LRRC4C: variants seen among roughly 807,000 people sequenced by gnomAD.
LRRC4C encodes the protein leucine rich repeat containing 4C.
Under a neutral mutation model 33.6 loss-of-function variants are expected in LRRC4C, and 5 were observed. That is an observed-to-expected ratio of 0.15 (90% CI 0.08 to 0.31). The LOEUF is 0.31. Ranked by LOEUF, LRRC4C falls within the 10% of genes least tolerant of loss-of-function variation. The pLI is 1.00. For synonymous variants in LRRC4C, 329 were observed against 302.0 expected, an observed-to-expected ratio of 1.09 and a Z score of -0.93; for missense variants, 560 against 796.7, an observed-to-expected ratio of 0.70 and a Z score of 3.58.
intron 1 of LRRC4C, among the ~76,000 whole-genome samples, chr11:41,420,102 C>T (rs1465177646): frequency 6.6e-6 from 1 of 151,818 alleles, no homozygotes; most frequent in East Asian, 1.9e-4. Flanking sequence ...GAAGAGCAGC[C>T]TTTGATAGTT....
intron 1 of LRRC4C, among the ~76,000 whole-genome samples, chr11:40,960,002 G>A (rs895729351): frequency 6.6e-6 from 1 of 151,374 alleles, no homozygotes; most frequent in African/African-American, 2.4e-5. Context: ...AATGGCTGGA[G>A]CAGAACAGTC....
intron 4 of LRRC4C, among the ~76,000 whole-genome samples, chr11:40,283,666 C>T (rs1590905851): frequency 7.3e-6 from 1 of 137,432 alleles, no homozygotes; most frequent in East Asian, 2.2e-4. Context: ...TGGGAGATGA[C>T]AAGAAGAATA....
intron 3 of LRRC4C, among the ~76,000 whole-genome samples, chr11:40,581,355 A>G (rs1171431005): frequency 4.6e-5 from 7 of 152,218 alleles, no homozygotes; most frequent in Non-Finnish European, 2.9e-5. Flanking sequence ...TCTTTCTAAC[A>G]ATATTGGTGA....
rs750318295 is a variant in LRRC4C, at chr11:40,380,680, T to TA, written c.-269-60960dup. ...CCGCTACCCTTCCTCTTTTACTGTG[T>TA]AAGGTTATCTGCTGAGATTATCACC... On this transcript the variant is annotated intron_variant, in intron 3 of 6. Transcript: ENST00000528697. 7.9e-5 allele frequency among the ~76,000 whole-genome samples: 12 copies of TA among 152,230 alleles called. 1 individual carries two copies. The highest frequency in any genetic ancestry group is 1.6e-4 in the Non-Finnish European group (11 of 68,044).
At position 40,491,557 on chromosome 11, in the gene LRRC4C, G is replaced by T. The variant is rs56235230; in HGVS notation, c.-270+156585C>A. 2.6e-5 allele frequency among the ~76,000 whole-genome samples: 4 copies of T among 152,150 alleles called. No individual in the cohort carries two copies. The South Asian group carries it at 6.2e-4, about 24-fold the overall frequency. ...AAGTTTCTTGTGGTTGTAGGAATGCGTACCTCAGCTCTTAGAAGCTGCTGA... is the reference window on the plus strand; with the variant it reads ...AAGTTTCTTGTGGTTGTAGGAATGCTTACCTCAGCTCTTAGAAGCTGCTGA... On this transcript the variant is annotated intron_variant, in intron 3 of 6. Coordinates refer to ENST00000528697, the MANE Select transcript of LRRC4C (RefSeq NM_001258419.2).
chr11:40,138,505 G>C (rs1857141651), intron 6 of LRRC4C, among the ~76,000 whole-genome samples: 1 of 152,174 alleles, frequency 6.6e-6, no homozygotes, highest in Non-Finnish European at 1.5e-5. Context: ...TCATGGCTTA[G>C]AAGTGCTCCT....
intron 3 of LRRC4C, among the ~76,000 whole-genome samples, chr11:40,595,610 T>C (rs1230073856): frequency 1.3e-5 from 2 of 152,170 alleles, no homozygotes; most frequent in African/African-American, 4.8e-5. Flanking sequence ...TGTGGTATTT[T>C]CGTAATATAT....
chr11:40,912,845 G>A (rs1443821626), intron 2 of LRRC4C, among the ~76,000 whole-genome samples: 1 of 152,128 alleles, frequency 6.6e-6, no homozygotes, highest in Non-Finnish European at 1.5e-5. Context: ...TAAAGGGATG[G>A]AGGAAGATCT....
At chr11:41,344,196 A>G (rs1951727472) in intron 1 of LRRC4C, among the ~76,000 whole-genome samples, 1 of 145,788 alleles carries the variant, frequency 6.9e-6, no homozygotes, top group South Asian at 2.2e-4. Flanking sequence ...CCCAATACCA[A>G]TTCACTCTTT....
intron 2 of LRRC4C, among the ~76,000 whole-genome samples, chr11:40,731,191 T>TGGGC (rs1564986886): frequency 1.0e-4 from 15 of 150,678 alleles, no homozygotes; most frequent in Non-Finnish European, 2.1e-4. Context: ...TGGTGGCAAG[T>TGGGC]GCCTGTAGTC....
At chr11:41,171,390 G>A (rs1423893724) in intron 1 of LRRC4C, among the ~76,000 whole-genome samples, 1 of 152,012 alleles carries the variant, frequency 6.6e-6, no homozygotes, top group African/African-American at 2.4e-5. Flanking sequence ...AAGAAAATGT[G>A]GCACATATAC....
intron 3 of LRRC4C, among the ~76,000 whole-genome samples, chr11:40,640,399 C>CTAT (rs1942035198): frequency 6.6e-6 from 1 of 151,990 alleles, no homozygotes; most frequent in Admixed American, 6.5e-5. Context: ...TTCTCATGAA[C>CTAT]TATTGCCTTT....
intron 2 of LRRC4C, among the ~76,000 whole-genome samples, chr11:40,828,997 A>T (rs1952288816): frequency 6.6e-6 from 1 of 151,936 alleles, no homozygotes; most frequent in Non-Finnish European, 1.5e-5. Flanking sequence ...CTGGTTTCTA[A>T]ATATAATAAT....
chr11:41,270,963 T>C (rs557885091), intron 1 of LRRC4C, among the ~76,000 whole-genome samples: 1 of 152,202 alleles, frequency 6.6e-6, no homozygotes, highest in East Asian at 1.9e-4. Context: ...CTCTGTATCT[T>C]AAACCTCCCT....
At chr11:40,120,000 C>A (rs118135302) in intron 6 of LRRC4C, among the ~76,000 whole-genome samples, 1 of 152,188 alleles carries the variant, frequency 6.6e-6, no homozygotes, top group South Asian at 2.1e-4. Flanking sequence ...ATTTACCCTG[C>A]CTTCCCATAA....
intron 1 of LRRC4C, among the ~76,000 whole-genome samples, chr11:41,452,672 C>T (rs1404906338): frequency 6.6e-6 from 1 of 152,002 alleles, no homozygotes. Flanking sequence ...CTCTGGTCTC[C>T]TTGAATGTTC....
intron 3 of LRRC4C, among the ~76,000 whole-genome samples, chr11:40,626,604 A>G (rs1332755256): frequency 6.6e-6 from 1 of 152,166 alleles, no homozygotes; most frequent in Admixed American, 6.5e-5. Context: ...GGCACCCAGC[A>G]TTGTGTGAGA....
intron 1 of LRRC4C, among the ~76,000 whole-genome samples, chr11:41,140,250 C>A (rs1943444210): frequency 6.6e-6 from 1 of 152,156 alleles, no homozygotes; most frequent in Non-Finnish European, 1.5e-5. Context: ...AATCCCCCAA[C>A]TCCCATCATT....
intron 3 of LRRC4C, among the ~76,000 whole-genome samples, chr11:40,522,955 G>C (rs1955881470): frequency 6.6e-6 from 1 of 152,066 alleles, no homozygotes; most frequent in Non-Finnish European, 1.5e-5. Flanking sequence ...GTCATCTATG[G>C]AACGTTTAGG....
Sources: gnomAD v4.1 joint callset for allele counts (sites outside exome capture counted in the v4.1 genomes callset) on GRCh38, gnomAD v4.1.1 for gene constraint, MANE v1.5 for transcripts, NCBI Gene and HGNC (gene_info 2026-07-23, HGNC 2026-07-21) for gene names.